The following ROBO2 variants were observed in gnomAD, a reference collection of about 807,000 sequenced individuals.
ROBO2 encodes roundabout homolog 2.
In ROBO2, 53 loss-of-function variants were observed where a neutral mutation model predicts 160.8. That is an observed-to-expected ratio of 0.33 (90% CI 0.26 to 0.41). ROBO2 has a LOEUF of 0.41. Among genes scored for constraint, ROBO2 ranks in the 10% least tolerant of loss-of-function variants. ROBO2 has a pLI of 1.00. For synonymous variants in ROBO2, 664 were observed against 611.7 expected (o/e 1.09, Z -1.26); for missense variants, 1,577 against 1,722.4 (o/e 0.92, Z 1.49).
chr3:76,507,808 C>T (rs993769675), intron 2 of ROBO2, among the ~76,000 whole-genome samples: 3 of 152,072 alleles, frequency 2.0e-5, no homozygotes, highest in African/African-American at 7.2e-5. Context: ...GTTCTACAAT[C>T]CGTTCTTTCT....
intron 2 of ROBO2, among the ~76,000 whole-genome samples, chr3:77,455,330 T>C (rs1250120316): frequency 6.6e-6 from 1 of 152,156 alleles, no homozygotes; most frequent in African/African-American, 2.4e-5. Context: ...AAAGAATGTA[T>C]GGAAACAAAT....
chr3:76,111,754 G>C (rs1305055763), intron 2 of ROBO2, among the ~76,000 whole-genome samples: 1 of 152,022 alleles, frequency 6.6e-6, no homozygotes, highest in African/African-American at 2.4e-5. Flanking sequence ...AGGGAGATGA[G>C]CCTTCTCCAG....
intron 2 of ROBO2, among the ~76,000 whole-genome samples, chr3:77,300,846 CT>C (rs2062590181): frequency 6.8e-6 from 1 of 146,266 alleles, no homozygotes; most frequent in Admixed American, 7.0e-5. Context: ...AAATAATAGA[CT>C]ATTTATTTAT....
chr3:76,029,813 C>A lies in ROBO2; in HGVS notation c.109+92211C>A, dbSNP rs540674478. Among the ~76,000 whole-genome samples, 5 of 152,206 alleles carry A rather than the reference C, an allele frequency of 3.3e-5. No homozygotes were observed. The South Asian group carries it at 1.0e-3, about 32-fold the overall frequency. ...CAAGTCTTTGCTATTGTGAACAGTG[C>A]CACAATAAACATATGTGTGCATGTG... is the stretch of plus-strand genomic sequence containing the variant. On this transcript the variant is annotated intron_variant, in intron 2 of 26. Transcript: ENST00000487694.
chr3:77,349,450 A>T (rs2068058027), intron 2 of ROBO2, among the ~76,000 whole-genome samples: 1 of 152,178 alleles, frequency 6.6e-6, no homozygotes, highest in Admixed American at 6.5e-5. Flanking sequence ...AAGAACCTGG[A>T]AATAAAGAAA....
At chr3:76,459,108 C>G (rs376418796) in intron 2 of ROBO2, among the ~76,000 whole-genome samples, 1 of 151,778 alleles carries the variant, frequency 6.6e-6, no homozygotes, top group East Asian at 1.9e-4. Flanking sequence ...CATTAAAACA[C>G]TTTCCTTTTG....
chr3:76,359,692 T>G (rs1187359113), intron 2 of ROBO2, among the ~76,000 whole-genome samples: 3 of 152,220 alleles, frequency 2.0e-5, no homozygotes, highest in African/African-American at 4.8e-5. Context: ...TGGATTTTTT[T>G]GTCTTGGTAT....
At chr3:76,379,719 A>C (rs1329836985) in intron 2 of ROBO2, among the ~76,000 whole-genome samples, 1 of 152,214 alleles carries the variant, frequency 6.6e-6, no homozygotes, top group Non-Finnish European at 1.5e-5. Context: ...AAACTTTAAA[A>C]AAATGCTTGA....
Position 76,963,846 on chromosome 3 carries a change from AAAAG to A in ROBO2, c.110-134164_110-134161del, listed in dbSNP as rs1441262054. On this transcript the variant is annotated intron_variant, in intron 2 of 26. Coordinates refer to the ROBO2 transcript ENST00000487694. ...TTCTATGAGGAACTGCAAAAAAAAA[AAAAG>A]AAAAAAAAGAAAAAAGAAATAAAAA... Among the ~76,000 whole-genome samples the A allele has an allele frequency of 4.8e-3, 724 of 150,346 alleles. 3 individuals carry two copies. The highest frequency in any genetic ancestry group is 0.017 in the African/African-American group (695 of 40,834).
chr3:77,441,129 C>T (rs917758300), intron 2 of ROBO2, among the ~76,000 whole-genome samples: 1 of 152,032 alleles, frequency 6.6e-6, no homozygotes, highest in Non-Finnish European at 1.5e-5. Flanking sequence ...TCCTCTTTCA[C>T]TGGGGCTTGT....
At chr3:76,273,165 A>T (rs537913115) in intron 2 of ROBO2, among the ~76,000 whole-genome samples, 187 of 134,040 alleles carry the variant, frequency 1.4e-3, no homozygotes, top group African/African-American at 5.0e-3. Flanking sequence ...CTATTTGGAA[A>T]CTCATCTTTT....
intron 2 of ROBO2, among the ~76,000 whole-genome samples, chr3:77,469,689 A>G (rs975488056): frequency 6.6e-5 from 10 of 152,130 alleles, no homozygotes; most frequent in Admixed American, 3.9e-4. Flanking sequence ...TTACAGATAT[A>G]TGAGTATGTA....
At chr3:77,563,315 C>T (rs1343051970) in exon 11 of ROBO2, 1 of 1,613,292 alleles carries the variant, frequency 6.2e-7, no homozygotes, top group Non-Finnish European at 8.5e-7. Context: ...GTGCATATAT[C>T]ATTGAGGCTT....
intron 1 of ROBO2, among the ~76,000 whole-genome samples, chr3:77,081,330 T>A (rs1236521964): frequency 6.6e-6 from 1 of 152,166 alleles, no homozygotes; most frequent in African/African-American, 2.4e-5. Context: ...AGAAGGCAAT[T>A]CTGTCTTGGA....
In ROBO2 at chr3:76,967,250, G is replaced by A. The variant is rs192327765; in HGVS notation, c.110-130764G>A. 6.8e-4 allele frequency among the ~76,000 whole-genome samples: 101 copies of A among 149,344 alleles called. 2 individuals are homozygous for A. Among genetic ancestry groups the A allele is most frequent in the African/African-American group, 2.2e-3 (90 of 40,524 alleles). ...TGTGCCTTTTTTTTTTTTTTGAGAC[G>A]GAATCTCACTCTGTCGTCCAGTTTG... On this transcript the variant is annotated intron_variant, in intron 2 of 26. Transcript: ENST00000487694.
chr3:77,006,450 A>G (rs943545847), intron 2 of ROBO2, among the ~76,000 whole-genome samples: 3 of 151,956 alleles, frequency 2.0e-5, no homozygotes, highest in Non-Finnish European at 2.9e-5. Flanking sequence ...AACCACAGCA[A>G]ATTAAGGCTT....
At chr3:77,466,495 T>C (rs1346210683) in intron 2 of ROBO2, among the ~76,000 whole-genome samples, 1 of 152,172 alleles carries the variant, frequency 6.6e-6, no homozygotes, top group Non-Finnish European at 1.5e-5. Flanking sequence ...GTGAACCCCC[T>C]ATCTAGGACC....
chr3:76,474,753 C>G (rs1194320962), intron 2 of ROBO2, among the ~76,000 whole-genome samples: 3 of 152,088 alleles, frequency 2.0e-5, no homozygotes, highest in African/African-American at 7.2e-5. Context: ...TGGAGATCAG[C>G]TGAAGTTTGA....
chr3:77,007,390 T>C (rs1256023522), intron 2 of ROBO2, among the ~76,000 whole-genome samples: 7 of 152,214 alleles, frequency 4.6e-5, no homozygotes, highest in Non-Finnish European at 8.8e-5. Context: ...ATACTAAAAA[T>C]ATGAACATCC....
Sources: allele counts gnomAD v4.1 joint callset (sites outside exome capture counted in the v4.1 genomes callset), GRCh38; gene constraint gnomAD v4.1.1; transcripts MANE v1.5; gene names NCBI Gene and HGNC (gene_info 2026-07-23, HGNC 2026-07-21).